Variants in IRF2 observed in about 807,000 individuals in gnomAD.
The protein encoded by IRF2 is interferon regulatory factor 2.
Under a neutral mutation model 40.6 loss-of-function variants are expected in IRF2, and 15 were observed. The ratio of observed to expected loss-of-function variants is 0.37; its 90% confidence interval spans 0.25 to 0.57. The LOEUF is 0.57. IRF2 is among the 20% of genes least tolerant of loss of function. IRF2 has a pLI of 0.77. For synonymous variants in IRF2, 151 were observed against 165.5 expected (o/e 0.91, Z 0.67); for missense variants, 317 against 455.7 (o/e 0.70, Z 2.77).
At chr4:184,456,095 C>T in intron 1 of IRF2, among the ~76,000 whole-genome samples, 1 of 152,238 alleles carries the variant, frequency 6.6e-6, no homozygotes, top group East Asian at 1.9e-4. Flanking sequence ...TGCGGCCGCA[C>T]ACCCACCATC....
intron 1 of IRF2, among the ~76,000 whole-genome samples, chr4:184,447,230 A>C (rs1435435487): frequency 6.6e-6 from 1 of 152,024 alleles, no homozygotes; most frequent in African/African-American, 2.4e-5. Context: ...GCAACATGTC[A>C]AAAAAAAGTC....
chr4:184,470,406 C>T (rs982018703), intron 1 of IRF2, among the ~76,000 whole-genome samples: 1 of 152,116 alleles, frequency 6.6e-6, no homozygotes, highest in South Asian at 2.1e-4. Context: ...AGCAGGCCGG[C>T]GCAGTGGCTC....
intron 2 of IRF2, among the ~76,000 whole-genome samples, chr4:184,425,976 G>GA (rs1737654283): frequency 1.5e-5 from 1 of 66,998 alleles, no homozygotes; most frequent in Admixed American, 1.5e-4. Flanking sequence ...GCTCACTCCG[G>GA]TTTTTGTTTG....
chr4:184,397,858 A>T (rs1252917902), intron 7 of IRF2, among the ~76,000 whole-genome samples: 1 of 152,232 alleles, frequency 6.6e-6, no homozygotes, highest in Non-Finnish European at 1.5e-5. Flanking sequence ...GATCATCAGG[A>T]AGAGAGGAGA....
chr4:184,429,187 AG>A, intron 1 of IRF2, 117 bp from the exon 2 acceptor site: 3 of 413,258 alleles, frequency 7.3e-6, no homozygotes, highest in Non-Finnish European at 1.4e-5. Flanking sequence ...GCTGGGGACC[AG>A]GGGGCTGGGG....
At chr4:184,469,477 G>A (rs563775273) in intron 1 of IRF2, among the ~76,000 whole-genome samples, 1 of 152,328 alleles carries the variant, frequency 6.6e-6, no homozygotes, top group East Asian at 1.9e-4. Context: ...AAGGGTTTGA[G>A]ACCAGTCTGG....
At chr4:184,402,250 T>C (rs1436997058) in intron 6 of IRF2, among the ~76,000 whole-genome samples, 1 of 152,120 alleles carries the variant, frequency 6.6e-6, no homozygotes, top group Non-Finnish European at 1.5e-5. Context: ...TTTTCCAGTT[T>C]GAGGAATCAA....
chr4:184,459,125 C>T (rs1205967087), intron 1 of IRF2, among the ~76,000 whole-genome samples: 1 of 151,894 alleles, frequency 6.6e-6, no homozygotes, highest in Non-Finnish European at 1.5e-5. Context: ...TCATGAGTCC[C>T]AAGCAGACAG....
At chr4:184,400,902 A>G (rs1283463859) in intron 6 of IRF2, among the ~76,000 whole-genome samples, 1 of 152,252 alleles carries the variant, frequency 6.6e-6, no homozygotes, top group African/African-American at 2.4e-5. Context: ...AAAGGTGAAG[A>G]AATAATTCCC....
At chr4:184,415,041 G>A (rs1035854155) in intron 5 of IRF2, among the ~76,000 whole-genome samples, 2 of 152,188 alleles carry the variant, frequency 1.3e-5, no homozygotes, top group Middle Eastern at 3.4e-3. Context: ...AATTCCAGAC[G>A]CCCTAGGGAG....
intron 1 of IRF2, among the ~76,000 whole-genome samples, chr4:184,449,477 C>T (rs151191739): frequency 3.2e-4 from 48 of 152,362 alleles, no homozygotes; most frequent in Middle Eastern, 3.4e-3. Flanking sequence ...GCCCAGAGTA[C>T]GGCAGAGGCC....
In IRF2 at chr4:184,412,448, C is replaced by T. The variant is rs185165802; in HGVS notation, c.412-4173G>A. ...CCTGAAGTCCCATTTAATGGGCCTCCAGCCCACCTCCCACCTTCCAAAATG... is the reference window on the plus strand; with the variant it reads ...CCTGAAGTCCCATTTAATGGGCCTCTAGCCCACCTCCCACCTTCCAAAATG... On this transcript the variant is annotated intron_variant, in intron 5 of 8. Transcript: ENST00000393593. Among the ~76,000 whole-genome samples the T allele has an allele frequency of 6.9e-4, 105 of 152,316 alleles. 1 individual carries two copies. Among genetic ancestry groups the T allele is most frequent in the Non-Finnish European group, 1.2e-3 (81 of 68,024 alleles).
intron 7 of IRF2, among the ~76,000 whole-genome samples, chr4:184,397,890 C>T (rs948879393): frequency 5.9e-5 from 9 of 152,104 alleles, no homozygotes; most frequent in Non-Finnish European, 1.3e-4. Context: ...TGTTGGCGAA[C>T]GAGAGGAGCC....
chr4:184,423,848 G>T (rs1222788300), intron 2 of IRF2, among the ~76,000 whole-genome samples: 2 of 152,188 alleles, frequency 1.3e-5, no homozygotes, highest in African/African-American at 4.8e-5. Flanking sequence ...ACAACCTGTG[G>T]ACAGTCTTTG....
rs117674030 is a variant in IRF2, at chr4:184,437,734, T to C, written c.-6-8664A>G. 5.8e-3 allele frequency among the ~76,000 whole-genome samples: 878 copies of C among 151,818 alleles called. 21 individuals are homozygous for C. The highest frequency in any genetic ancestry group is 0.042 in the East Asian group (217 of 5,164). On this transcript the variant is annotated intron_variant, in intron 1 of 8. Transcript: ENST00000393593. ...GACTTGGGAAAAGCCATGCTTCAGT[T>C]TCACGAGTCATGCAGCACTCTATAC...
Position 184,419,494 on chromosome 4 carries a change from G to C in IRF2, c.162C>G (p.Leu54=). ...CTGTATGGATTGCCCAGTTTCTAAA[G>C]AGTGGTGCATCTTTTTCCACATCCC... ...HGWDVEKDAP[L]FRNWAIHTGK... Residue 54 remains leucine (L), a synonymous_variant, in exon 3 of 9, where the codon CTC becomes CTG. Coordinates refer to ENST00000393593, the MANE Select transcript of IRF2 (RefSeq NM_002199.4). 4 of 1,607,554 alleles carry C rather than the reference G, an allele frequency of 2.5e-6. No homozygotes were observed. Among genetic ancestry groups the C allele is most frequent in the Non-Finnish European group, 3.4e-6 (4 of 1,177,108 alleles).
rs1738582298 is a variant in IRF2, at chr4:184,448,173, C to G, written c.-6-19103G>C. ...AACGACTTGGCCAGAAAGACAATACCAAGTAGGTAAGTAATTTCCAGTACA... is the reference window on the plus strand; with the variant it reads ...AACGACTTGGCCAGAAAGACAATACGAAGTAGGTAAGTAATTTCCAGTACA... On this transcript the variant is annotated intron_variant, in intron 1 of 8. Coordinates refer to ENST00000393593, the MANE Select transcript of IRF2 (RefSeq NM_002199.4). This position sits in a 1 kb window ranked among gnomAD's most constrained non-coding sequence, Gnocchi z 4.3. 6.6e-6 allele frequency among the ~76,000 whole-genome samples: 1 copy of G among 152,150 alleles called. No homozygotes were observed. The highest frequency in any genetic ancestry group is 1.5e-5 in the Non-Finnish European group (1 of 68,018).
chr4:184,438,284 A>C (rs1363488808), intron 1 of IRF2, among the ~76,000 whole-genome samples: 1 of 152,236 alleles, frequency 6.6e-6, no homozygotes, highest in East Asian at 1.9e-4. Context: ...AGAATATGCC[A>C]GAAACCTCTA....
intron 2 of IRF2, among the ~76,000 whole-genome samples, chr4:184,421,074 G>A (rs1280935243): frequency 6.6e-6 from 1 of 152,194 alleles, no homozygotes; most frequent in Non-Finnish European, 1.5e-5. Flanking sequence ...TGCTAGGTAT[G>A]CGGATCCCTG....
Sources: allele counts gnomAD v4.1 joint callset (sites outside exome capture counted in the v4.1 genomes callset), GRCh38; gene constraint gnomAD v4.1.1; non-coding constraint Gnocchi (gnomAD v3.1); transcripts MANE v1.5; gene names NCBI Gene and HGNC (gene_info 2026-07-23, HGNC 2026-07-21).